FAM237A: variants seen among roughly 807,000 people sequenced by gnomAD.
FAM237A encodes protein FAM237A.
Under a neutral mutation model 12.5 loss-of-function variants are expected in FAM237A, and 14 were observed. The ratio of observed to expected loss-of-function variants is 1.12; its 90% CI spans 0.74 to 1.75. The LOEUF (loss-of-function observed/expected upper bound fraction) is 1.75, where lower values mean the gene tolerates loss of function less well. FAM237A is among the 40% of genes most tolerant of loss of function. The pLI is 0.00. For missense variants in FAM237A, 240 were observed against 211.7 expected (o/e 1.13, Z -0.83); for synonymous variants, 85 against 77.5 (o/e 1.10, Z -0.51).
rs1699294270 is a variant in FAM237A, at chr2:206,644,579, A to G, written c.343A>G (p.Arg115Gly). The G allele has an allele frequency of 6.2e-7, 1 of 1,612,342 alleles. No individual in the cohort carries two copies. Among genetic ancestry groups the G allele is most frequent in the African/African-American group, 1.3e-5 (1 of 74,860 alleles). ...GCTCTCTAGGAACCATGGCTTAGGAAGGAGGCAATTGGTTGGAGAGGAAGA... is the reference window on the plus strand; with the variant it reads ...GCTCTCTAGGAACCATGGCTTAGGAGGGAGGCAATTGGTTGGAGAGGAAGA... ...CVLSRNHGLG[R>G]RQLVGEEEKI... The change falls in exon 2 of 3, where the codon AGG (arginine) becomes GGG (glycine). Residue 115 changes from arginine to glycine, a missense_variant. Physicochemically the swap from Arg to Gly is moderately radical, Grantham distance 125 (BLOSUM62 -2). Coordinates refer to ENST00000441223, the MANE Select transcript of FAM237A (RefSeq NM_001102659.3).
In FAM237A at chr2:206,648,847, A is replaced by G. The variant is rs1201234492; in HGVS notation, c.*53A>G. 7.7e-7 allele frequency: 1 copy of G among 1,299,138 alleles called. No individual in the cohort carries two copies. The highest frequency in any genetic ancestry group is 3.0e-5 in the East Asian group (1 of 33,862). 80.5% of individuals were successfully genotyped at this position (1,299,138 alleles called of 1,614,324 possible). ...GGAATTAAATATACATATATATAAC[A>G]TTTTTCTTAACTATTGATTATTTAT... On this transcript the variant is annotated 3_prime_UTR_variant, in exon 3 of 3. Transcript: ENST00000441223.
intron 1 of FAM237A, 107 bp from the exon 2 acceptor site, chr2:206,644,120 A>C (rs1455223256): frequency 9.5e-7 from 1 of 1,049,170 alleles, no homozygotes; most frequent in Non-Finnish European, 1.3e-6. Context: ...CTTTGTGACA[A>C]TGATGTGTTT....
rs1308911635 is a variant in FAM237A, at chr2:206,644,399, G to A, written c.163G>A (p.Val55Met). Reference protein sequence around the residue: ...ADPQCWESSSVLLLEMWKPRV... With the variant: ...ADPQCWESSSMLLLEMWKPRV... ...TCCTCAGTGCTGGGAATCCTCCTCA[G>A]TGCTTCTCCTGGAAATGTGGAAACC... Residue 55 changes from valine to methionine, a missense_variant, in exon 2 of 3, where the codon GTG (valine) becomes ATG (methionine). By Grantham distance (21) the Val-to-Met change is conservative (BLOSUM62 1). Transcript: ENST00000441223. The A allele has an allele frequency of 6.2e-7, 1 of 1,613,818 alleles. No individual in the cohort carries two copies. Among genetic ancestry groups the A allele is most frequent in the Non-Finnish European group, 8.5e-7 (1 of 1,179,808 alleles).
chr2:206,646,126 C>T (rs1233282702), intron 2 of FAM237A, among the ~76,000 whole-genome samples: 1 of 152,058 alleles, frequency 6.6e-6, no homozygotes, highest in South Asian at 2.1e-4. Flanking sequence ...CACGGTGAAA[C>T]CCCGTCTCTA....
chr2:206,647,953 T>A (rs1699338127), intron 2 of FAM237A, among the ~76,000 whole-genome samples: 1 of 152,198 alleles, frequency 6.6e-6, no homozygotes. Flanking sequence ...AGATTTATAA[T>A]CTGATGGTGT....
intron 1 of FAM237A, among the ~76,000 whole-genome samples, chr2:206,643,694 T>C (rs1276452545): frequency 6.6e-6 from 1 of 152,246 alleles, no homozygotes; most frequent in Non-Finnish European, 1.5e-5. Context: ...TCCATACTTT[T>C]AGCACATTGT....
chr2:206,648,763 G>C lies in FAM237A; in HGVS notation c.515G>C (p.Gly172Ala). 6.5e-7 allele frequency: 1 copy of C among 1,544,792 alleles called. No individual in the cohort carries two copies. Among genetic ancestry groups the C allele is most frequent in the South Asian group, 1.2e-5 (1 of 81,196 alleles). The change falls in exon 3 of 3, where the codon GGA becomes GCA. Residue 172 changes from glycine to alanine, a missense_variant. Physicochemically the swap from Gly to Ala is moderately conservative, Grantham distance 60 (BLOSUM62 0). Transcript: ENST00000441223. ...CGTAGGAGTGGGTCTAGTGTCATTG[G>C]AAAAGTGAACCTGGAAATAAAGAGA... ...HVRRSGSSVI[G>A]KVNLEIKRK
chr2:206,644,072 G>A (rs1205723447), intron 1 of FAM237A, among the ~76,000 whole-genome samples, 155 bp from the exon 2 acceptor site: 2 of 152,162 alleles, frequency 1.3e-5, no homozygotes, highest in East Asian at 3.8e-4. Flanking sequence ...TAGATAGAAC[G>A]GAGCTTGTGA....
In FAM237A at chr2:206,644,554, G is replaced by A. The variant is rs760562633; in HGVS notation, c.318G>A (p.Val106=). 1 of 1,613,844 alleles carries A rather than the reference G, an allele frequency of 6.2e-7. No individual in the cohort carries two copies. The highest frequency in any genetic ancestry group is 2.2e-5 in the East Asian group (1 of 44,900). The stretch of plus-strand genomic sequence containing the variant: ...TCTGGGACATCTATGTGGACTGTGT[G>A]CTCTCTAGGAACCATGGCTTAGGAA... The part of the protein sequence containing the change: ...QLFWDIYVDC[V]LSRNHGLGRR... The change falls in exon 2 of 3, where the codon GTG becomes GTA. Residue 106 remains valine (V), a synonymous_variant. Coordinates refer to ENST00000441223, the MANE Select transcript of FAM237A (RefSeq NM_001102659.3).
chr2:206,644,449 C>T lies in FAM237A; in HGVS notation c.213C>T (p.Gly71=). Residue 71 remains glycine, a synonymous_variant, in exon 2 of 3, where the codon GGC becomes GGT. Transcript: ENST00000441223. ...WKPRVSNTVS[G]FWDFMIYLKS... is the part of the protein sequence containing the mutation. Reference sequence around the variant, plus strand: ...CTCGCGTTTCCAACACTGTTTCAGGCTTCTGGGATTTTATGATCTACCTGA... The same window carrying T: ...CTCGCGTTTCCAACACTGTTTCAGGTTTCTGGGATTTTATGATCTACCTGA... 1.2e-6 allele frequency: 2 copies of T among 1,613,908 alleles called. No individual in the cohort carries two copies. Among genetic ancestry groups the T allele is most frequent in the Non-Finnish European group, 1.7e-6 (2 of 1,179,840 alleles).
At chr2:206,645,274 C>T (rs78840126) in intron 2 of FAM237A, among the ~76,000 whole-genome samples, 2,920 of 152,212 alleles carry the variant, frequency 0.019, 104 homozygotes, top group African/African-American at 0.067. Context: ...TAAGTTGGAA[C>T]TTGCTACAAA....
chr2:206,645,230 T>G (rs1699303475), intron 2 of FAM237A, among the ~76,000 whole-genome samples: 1 of 152,230 alleles, frequency 6.6e-6, no homozygotes, highest in African/African-American at 2.4e-5. Flanking sequence ...AAGTAAGTAA[T>G]TAACTTGCAG....
At chr2:206,648,265 A>T (rs919429404) in intron 2 of FAM237A, among the ~76,000 whole-genome samples, 3 of 152,232 alleles carry the variant, frequency 2.0e-5, no homozygotes, top group African/African-American at 7.2e-5. Context: ...GTAGTGGTTA[A>T]ATAAGTTATA....
intron 2 of FAM237A, among the ~76,000 whole-genome samples, chr2:206,647,966 G>T (rs753903960): frequency 2.0e-5 from 3 of 152,112 alleles, no homozygotes; most frequent in Non-Finnish European, 4.4e-5. Flanking sequence ...GATGGTGTTT[G>T]CAGCTGGTGT....
chr2:206,646,522 C>T (rs958684612), intron 2 of FAM237A, among the ~76,000 whole-genome samples: 13 of 152,134 alleles, frequency 8.5e-5, no homozygotes, highest in African/African-American at 3.1e-4. Flanking sequence ...CGTCTTGCTA[C>T]GGAGTTGTTG....
At chr2:206,647,162 G>C (rs559823270) in intron 2 of FAM237A, among the ~76,000 whole-genome samples, 2 of 152,070 alleles carry the variant, frequency 1.3e-5, no homozygotes, top group South Asian at 4.1e-4. Context: ...AAATAACTGC[G>C]TAACCGTGAG....
intron 1 of FAM237A, among the ~76,000 whole-genome samples, chr2:206,644,017 C>A (rs4673360): frequency 6.6e-6 from 1 of 151,866 alleles, no homozygotes; most frequent in Non-Finnish European, 1.5e-5. Context: ...TTGGCCTGAC[C>A]GTCTTGGATT....
At position 206,648,713 on chromosome 2, in the gene FAM237A, TG is replaced by T; in HGVS notation, c.466del (p.Glu156LysfsTer3). 1 of 1,588,450 alleles carries T rather than the reference TG, an allele frequency of 6.3e-7. No homozygotes were observed. Among genetic ancestry groups the T allele is most frequent in the East Asian group, 2.3e-5 (1 of 44,186 alleles). On this transcript the variant is annotated frameshift_variant, in exon 3 of 3. Transcript: ENST00000441223. LOFTEE classifies it high-confidence loss of function. ...TSFLKKKELI[E>X]DLISMHVRRS... ...CCTTCCTAAAGAAGAAAGAGTTGAT[TG>T]AAGATTTGATAAGCATGCATGTGCG... is the stretch of plus-strand genomic sequence containing the variant.
At position 206,648,719 on chromosome 2, in the gene FAM237A, T is replaced by G. The variant is rs1699348420; in HGVS notation, c.471T>G (p.Asp157Glu). ...TAAAGAAGAAAGAGTTGATTGAAGA[T>G]TTGATAAGCATGCATGTGCGTAGGA... is the stretch of plus-strand genomic sequence containing the variant. ...SFLKKKELIE[D>E]LISMHVRRSG... Residue 157 changes from aspartate to glutamate, a missense_variant, in exon 3 of 3, where the codon GAT becomes GAG. Coordinates refer to ENST00000441223, the MANE Select transcript of FAM237A (RefSeq NM_001102659.3). The G allele has an allele frequency of 6.3e-7, 1 of 1,585,750 alleles. No homozygotes were observed. The highest frequency in any genetic ancestry group is 1.3e-5 in the African/African-American group (1 of 74,454).
Sources: gnomAD v4.1 joint callset for allele counts (sites outside exome capture counted in the v4.1 genomes callset) on GRCh38, gnomAD v4.1.1 for gene constraint, MANE v1.5 for transcripts, NCBI Gene and HGNC (gene_info 2026-07-23, HGNC 2026-07-21) for gene names.